The following EGLN3 variants were observed in gnomAD, a reference collection of about 807,000 sequenced individuals.
The protein encoded by EGLN3 is egl-9 family hypoxia inducible factor 3, also known as prolyl hydroxylase EGLN3.
In EGLN3, 15 loss-of-function variants were observed where a neutral mutation model predicts 26.0. The observed-to-expected ratio is 0.58, with a 90% CI of 0.39 to 0.89. EGLN3 has a LOEUF of 0.89. Among genes scored for constraint, EGLN3 ranks in the 40% least tolerant of loss-of-function variants. The pLI is 0.00. For missense variants in EGLN3, 238 were observed against 311.6 expected, an observed-to-expected ratio of 0.76 and a Z score of 1.78; for synonymous variants, 147 against 127.2, an observed-to-expected ratio of 1.16 and a Z score of -1.05.
chr14:33,943,783 T>C (rs773414566), intron 1 of EGLN3, among the ~76,000 whole-genome samples: 9 of 152,212 alleles, frequency 5.9e-5, no homozygotes, highest in Non-Finnish European at 1.2e-4. Context: ...AAATCTTTCA[T>C]ACATGGTGTG....
intron 4 of EGLN3, 35 bp from the exon 5 acceptor site, chr14:33,925,957 A>G (rs769888742): frequency 6.2e-7 from 1 of 1,608,392 alleles, no homozygotes; most frequent in Non-Finnish European, 8.5e-7. Context: ...TAAAGAGGGT[A>G]TGGAGTCAGC....
Position 33,931,152 on chromosome 14 carries a change from C to T in EGLN3, c.421G>A (p.Gly141Ser), listed in dbSNP as rs759224695. 1.5e-5 allele frequency: 25 copies of T among 1,614,062 alleles called. No individual in the cohort carries two copies. In the East Asian group the frequency reaches 3.8e-4, roughly 24 times the overall value. Residue 141 changes from glycine (G) to serine (S), a missense_variant, in exon 2 of 5, where the codon GGT (glycine) becomes AGT (serine). Coordinates refer to ENST00000250457, the MANE Select transcript of EGLN3 (RefSeq NM_022073.4). ...GYVRHVDNPN[G>S]DGRCITCIYY... ...ATGCAGGTGATGCAGCGACCATCAC[C>T]GTTGGGGTTGTCCACGTGGCGAACA...
chr14:33,926,861 C>T (rs138530655), intron 4 of EGLN3, 99 bp downstream of exon 4: 60 of 812,280 alleles, frequency 7.4e-5, no homozygotes, highest in African/African-American at 4.4e-4. Context: ...AAAGCTAAGC[C>T]GTAACAGATT....
At position 33,931,034 on chromosome 14, in the gene EGLN3, T is replaced by C; in HGVS notation, c.477+62A>G. The C allele has an allele frequency of 5.0e-6, 8 of 1,601,480 alleles. No individual in the cohort carries two copies. The South Asian group carries it at 9.0e-5, about 18-fold the overall frequency. On this transcript the variant is annotated intron_variant, in intron 2 of 4. Coordinates refer to ENST00000250457, the MANE Select transcript of EGLN3 (RefSeq NM_022073.4). ...AACTCAATATAAACTCTCCTCTAAGTTATCTGAATCATTTTCCTGTAGTTT... is the reference window on the plus strand; with the variant it reads ...AACTCAATATAAACTCTCCTCTAAGCTATCTGAATCATTTTCCTGTAGTTT...
intron 1 of EGLN3, among the ~76,000 whole-genome samples, chr14:33,942,712 A>T (rs1049692033): frequency 2.6e-5 from 4 of 152,218 alleles, no homozygotes; most frequent in African/African-American, 9.7e-5. Context: ...GGTTACTATC[A>T]TATTATTTGA....
intron 1 of EGLN3, among the ~76,000 whole-genome samples, chr14:33,940,281 A>G (rs2064473191): frequency 6.6e-6 from 1 of 152,212 alleles, no homozygotes; most frequent in Non-Finnish European, 1.5e-5. Flanking sequence ...TCACCATAAC[A>G]GGAGGGAACT....
chr14:33,950,167 G>C (rs879149077), intron 1 of EGLN3: 1 of 597,460 alleles, frequency 1.7e-6, no homozygotes, highest in East Asian at 2.8e-5. Context: ...ATATTTCAAA[G>C]TCAACAGAAG....
intron 1 of EGLN3, among the ~76,000 whole-genome samples, chr14:33,944,200 C>A (rs981174653): frequency 2.0e-5 from 3 of 152,096 alleles, no homozygotes; most frequent in African/African-American, 7.2e-5. Flanking sequence ...CGGCTCACTG[C>A]AACCTCCACC....
intron 1 of EGLN3, among the ~76,000 whole-genome samples, chr14:33,947,552 T>C (rs1253223629): frequency 6.6e-6 from 1 of 152,198 alleles, no homozygotes; most frequent in Admixed American, 6.5e-5. Context: ...CAATGATCTT[T>C]CCAAGTCTAG....
At position 33,950,424 on chromosome 14, in the gene EGLN3, C is replaced by T; in HGVS notation, c.329G>A (p.Gly110Asp). The T allele has an allele frequency of 2.5e-6, 4 of 1,613,268 alleles. No individual in the cohort carries two copies. Among genetic ancestry groups the T allele is most frequent in the Non-Finnish European group, 3.4e-6 (4 of 1,180,042 alleles). ...AGACCTCTCCTTGACGTAGTATTTG[C>T]CCAGCCGGCTCCCGCAGTAGAGGAC... ...RLVLYCGSRLGKYYVKERSKA... is the reference protein window; with the variant it reads ...RLVLYCGSRLDKYYVKERSKA... Residue 110 changes from glycine to aspartate, a missense_variant, in exon 1 of 5, where the codon GGC becomes GAC. Gly to Asp is a moderately conservative substitution (Grantham distance 94). Coordinates refer to ENST00000250457, the MANE Select transcript of EGLN3 (RefSeq NM_022073.4).
intron 1 of EGLN3, among the ~76,000 whole-genome samples, chr14:33,938,433 C>T (rs985578601): frequency 9.2e-5 from 14 of 152,210 alleles, no homozygotes; most frequent in African/African-American, 3.4e-4. Flanking sequence ...GGGCAGGCCG[C>T]CCTTCCCGTG....
chr14:33,937,992 T>C (rs1009213398), intron 1 of EGLN3, among the ~76,000 whole-genome samples: 1 of 152,228 alleles, frequency 6.6e-6, no homozygotes, highest in African/African-American at 2.4e-5. Context: ...AACTTGGTCC[T>C]AGCTTCAGGA....
At position 33,934,217 on chromosome 14, in the gene EGLN3, G is replaced by T. The variant is rs1312370837; in HGVS notation, c.358-3002C>A. On this transcript the variant is annotated intron_variant, in intron 1 of 4. Transcript: ENST00000250457. ...CCCCATTCCCAGAGGCCTCTCCTTA[G>T]CTCTGTAGCAATAGGAAATGAGTGG... is the stretch of plus-strand genomic sequence containing the variant. Among the ~76,000 whole-genome samples the T allele has an allele frequency of 2.0e-5, 3 of 152,106 alleles. No individual in the cohort carries two copies. The East Asian group carries it at 5.8e-4, about 29-fold the overall frequency.
At chr14:33,927,764 G>C (rs2064372519) in intron 3 of EGLN3, among the ~76,000 whole-genome samples, 1 of 152,162 alleles carries the variant, frequency 6.6e-6, no homozygotes, top group Non-Finnish European at 1.5e-5. Context: ...TTTGAGTGAA[G>C]CTTTGAAAAA....
In EGLN3 at chr14:33,936,217, G is replaced by A. The variant is rs1031412010; in HGVS notation, c.358-5002C>T. Among the ~76,000 whole-genome samples the A allele has an allele frequency of 1.5e-4, 10 of 66,768 alleles. 1 individual carries two copies. Among genetic ancestry groups the A allele is most frequent in the Non-Finnish European group, 1.9e-4 (6 of 31,504 alleles). 43.8% of individuals were successfully genotyped at this position (66,768 alleles called of 152,430 possible). On this transcript the variant is annotated intron_variant, in intron 1 of 4. Transcript: ENST00000250457. ...TGCACTCCAGCCTGGGCGACAGAGC[G>A]AGATGCTGTCTCAAAAAATATAAAT... is the stretch of plus-strand genomic sequence containing the variant.
In EGLN3 at chr14:33,937,203, T is replaced by G. The variant is rs182253950; in HGVS notation, c.358-5988A>C. Among the ~76,000 whole-genome samples the G allele has an allele frequency of 1.6e-3, 246 of 152,362 alleles. 1 individual carries two copies. Among genetic ancestry groups the G allele is most frequent in the African/African-American group, 5.6e-3 (234 of 41,588 alleles). On this transcript the variant is annotated intron_variant, in intron 1 of 4. Transcript: ENST00000250457. ...TATACAGAATTGAACAAAAAAGGTC[T>G]CAATGTGATGATGAAGCAGTGCTAA...
intron 1 of EGLN3, among the ~76,000 whole-genome samples, chr14:33,940,437 T>C (rs539093188): frequency 6.6e-6 from 1 of 152,278 alleles, no homozygotes; most frequent in South Asian, 2.1e-4. Flanking sequence ...AACTGACCTC[T>C]GACTTTCTTG....
chr14:33,933,984 T>C (rs1161297874), intron 1 of EGLN3, among the ~76,000 whole-genome samples: 1 of 152,372 alleles, frequency 6.6e-6, no homozygotes, highest in East Asian at 1.9e-4. Flanking sequence ...CCTACTTTAG[T>C]ACAGGCTTTT....
At chr14:33,947,338 G>C (rs943647083) in intron 1 of EGLN3, among the ~76,000 whole-genome samples, 4 of 152,094 alleles carry the variant, frequency 2.6e-5, no homozygotes, top group Admixed American at 6.5e-5. Context: ...ACTTCCCAAG[G>C]GGTCTTCAAC....
Sources: allele counts gnomAD v4.1 joint callset (sites outside exome capture counted in the v4.1 genomes callset), GRCh38; gene constraint gnomAD v4.1.1; transcripts MANE v1.5; gene names NCBI Gene and HGNC (gene_info 2026-07-23, HGNC 2026-07-21).